Variants in GTF2I observed in about 807,000 individuals in gnomAD.
The protein encoded by GTF2I is general transcription factor IIi, also known as general transcription factor II-I.
A neutral mutation model predicts 67.6 loss-of-function variants in GTF2I; 12 were observed. The ratio of observed to expected loss-of-function variants is 0.18; its 90% CI spans 0.11 to 0.29. The LOEUF (loss-of-function observed/expected upper bound fraction) is 0.29, where lower values mean the gene tolerates loss of function less well. GTF2I is among the 10% of genes least tolerant of loss of function. GTF2I has a pLI of 1.00. For synonymous variants in GTF2I, 149 were observed against 197.0 expected (o/e 0.76, Z 2.04); for missense variants, 271 against 580.1 (o/e 0.47, Z 5.47).
intron 1 of GTF2I, chr7:74,687,386 G>C (rs964432737): frequency 1.9e-5 from 3 of 155,836 alleles, no homozygotes; most frequent in South Asian, 2.0e-4. Context: ...CACCATGCCC[G>C]GCTATTTGGA....
chr7:74,658,864 G>A (rs1804202540), intron 1 of GTF2I, among the ~76,000 whole-genome samples: 1 of 152,176 alleles, frequency 6.6e-6, no homozygotes, highest in Non-Finnish European at 1.5e-5. Flanking sequence ...CGGGAGTGCA[G>A]AGGAAGAAGG....
chr7:74,712,336 GA>G (rs1791659667), intron 9 of GTF2I, among the ~76,000 whole-genome samples: 1 of 152,082 alleles, frequency 6.6e-6, no homozygotes, highest in African/African-American at 2.4e-5. Context: ...CTCCCTCCAA[GA>G]AACAACGTGT....
chr7:74,690,892 G>T, intron 2 of GTF2I, 81 bp from the exon 3 acceptor site: 1 of 1,199,052 alleles, frequency 8.3e-7, no homozygotes, highest in African/African-American at 1.5e-5. Flanking sequence ...AAAAAATGTT[G>T]TTAGTTTTTT....
intron 12 of GTF2I, among the ~76,000 whole-genome samples, chr7:74,724,301 G>T (rs1262714651): frequency 1.3e-5 from 2 of 151,990 alleles, no homozygotes; most frequent in Non-Finnish European, 2.9e-5. Context: ...ACCTGGTGTT[G>T]ATTGTTTTTT....
At chr7:74,693,232 C>CT (rs1788517685) in intron 3 of GTF2I, among the ~76,000 whole-genome samples, 1 of 124,358 alleles carries the variant, frequency 8.0e-6, no homozygotes, top group Non-Finnish European at 1.7e-5. Context: ...TTATTTGAGA[C>CT]TTTTTCATGA....
chr7:74,688,940 G>A, intron 1 of GTF2I, 184 bp from the exon 2 acceptor site: 2 of 505,626 alleles, frequency 4.0e-6, no homozygotes, highest in Admixed American at 3.6e-5. Context: ...TAGAAAATTA[G>A]GGGATAGATT....
At chr7:74,726,831 C>CAACA (rs1227309663) in intron 12 of GTF2I, 1 of 115,732 alleles carries the variant, frequency 8.6e-6, no homozygotes, top group East Asian at 2.6e-4. Flanking sequence ...GAGACCCTCC[C>CAACA]GACAGATAGA....
chr7:74,714,811 T>C, intron 9 of GTF2I, 46 bp from the exon 10 acceptor site: 1 of 1,365,234 alleles, frequency 7.3e-7, no homozygotes, highest in Non-Finnish European at 1.0e-6. Flanking sequence ...CCCACATTTT[T>C]TTTTGGGGGG....
At chr7:74,701,473 T>A (rs782315506) in intron 6 of GTF2I, among the ~76,000 whole-genome samples, 8 of 152,098 alleles carry the variant, frequency 5.3e-5, no homozygotes, top group African/African-American at 9.7e-5. Context: ...GCCTTTTTTT[T>A]TTATTATTAT....
intron 3 of GTF2I, among the ~76,000 whole-genome samples, chr7:74,698,299 C>G (rs1789219279): frequency 6.6e-6 from 1 of 151,218 alleles, no homozygotes; most frequent in Non-Finnish European, 1.5e-5. Flanking sequence ...ATCATGTTGA[C>G]CAGGACGCTC....
chr7:74,690,730 C>A (rs1411441883), intron 2 of GTF2I, among the ~76,000 whole-genome samples: 1 of 152,166 alleles, frequency 6.6e-6, no homozygotes, highest in Non-Finnish European at 1.5e-5. Context: ...ACAGTGCCCC[C>A]CAGCAAGCCT....
At chr7:74,700,731 A>G (rs893103085) in intron 6 of GTF2I, 97 bp downstream of exon 6, 13 of 1,176,756 alleles carry the variant, frequency 1.1e-5, no homozygotes, top group Admixed American at 1.8e-5. Context: ...CTTTGAGAAT[A>G]TGATGTCAGA....
At chr7:74,676,789 C>T (rs1009718115) in intron 1 of GTF2I, among the ~76,000 whole-genome samples, 1 of 152,228 alleles carries the variant, frequency 6.6e-6, no homozygotes, top group Admixed American at 6.5e-5. Flanking sequence ...GGCATGATGG[C>T]TCATGCCTGT....
intron 8 of GTF2I, among the ~76,000 whole-genome samples, chr7:74,709,581 A>T (rs922396424): frequency 6.6e-6 from 1 of 151,666 alleles, no homozygotes; most frequent in Non-Finnish European, 1.5e-5. Context: ...TCTTTAGCCA[A>T]TTGGAGTGAC....
chr7:74,693,800 C>T lies in GTF2I; in HGVS notation c.238+2689C>T, dbSNP rs587674597. Among the ~76,000 whole-genome samples the T allele has an allele frequency of 9.8e-4, 149 of 151,986 alleles. No homozygotes were observed. In the South Asian group the frequency reaches 0.012, roughly 12 times the overall value. Reference sequence around the variant, plus strand: ...GGTGGAGGTTGCAGTGAGCCAAGATCGCACCACTGCACTCCAGCCTGGCGA... The same window carrying T: ...GGTGGAGGTTGCAGTGAGCCAAGATTGCACCACTGCACTCCAGCCTGGCGA... On this transcript the variant is annotated intron_variant, in intron 3 of 34. Transcript: ENST00000573035.
intron 1 of GTF2I, among the ~76,000 whole-genome samples, chr7:74,687,070 T>C (rs1424011413): frequency 1.3e-5 from 2 of 151,774 alleles, no homozygotes; most frequent in East Asian, 3.9e-4. Flanking sequence ...TTTGTATTTT[T>C]AGTAGAGACA....
intron 1 of GTF2I, among the ~76,000 whole-genome samples, chr7:74,674,846 C>A (rs1805757420): frequency 6.7e-6 from 1 of 150,136 alleles, no homozygotes; most frequent in Non-Finnish European, 1.5e-5. Flanking sequence ...TATGCCCAGC[C>A]CTCTAATATA....
intron 12 of GTF2I, chr7:74,726,795 C>T (rs995493678): frequency 3.3e-5 from 5 of 152,052 alleles, no homozygotes; most frequent in Non-Finnish European, 7.3e-5. Flanking sequence ...AATCATGCCA[C>T]TGCCCTCCAG....
At chr7:74,685,865 A>G (rs1787679401) in intron 1 of GTF2I, among the ~76,000 whole-genome samples, 1 of 151,348 alleles carries the variant, frequency 6.6e-6, no homozygotes, top group African/African-American at 2.4e-5. Context: ...CATCCTGGCT[A>G]ACATGGTGAA....
Sources: allele counts gnomAD v4.1 joint callset (sites outside exome capture counted in the v4.1 genomes callset), GRCh38; gene constraint gnomAD v4.1.1; transcripts MANE v1.5; gene names NCBI Gene and HGNC (gene_info 2026-07-23, HGNC 2026-07-21).